Variants in LSMEM2 observed in about 807,000 individuals in gnomAD.
The protein encoded by LSMEM2 is leucine rich single-pass membrane protein 2.
LSMEM2 carries 20 observed loss-of-function variants against 17.3 expected under a neutral mutation model. That is an observed-to-expected ratio of 1.16 (90% CI 0.81 to 1.68). The LOEUF (loss-of-function observed/expected upper bound fraction) is 1.68. LSMEM2 is among the 40% of genes most tolerant of loss of function. The pLI is 0.00. For missense variants in LSMEM2, 207 were observed against 214.3 expected (o/e 0.97, Z 0.21); for synonymous variants, 94 against 97.8 (o/e 0.96, Z 0.23).
intron 1 of LSMEM2, among the ~76,000 whole-genome samples, chr3:50,282,672 G>A (rs587721040): frequency 6.6e-6 from 1 of 151,494 alleles, no homozygotes; most frequent in African/African-American, 2.4e-5. Flanking sequence ...ATGACTTGAG[G>A]TCAGGAGTTC....
upstream of LSMEM2, chr3:50,279,055 C>G (rs1701333314): frequency 6.3e-7 from 1 of 1,582,166 alleles, no homozygotes. Flanking sequence ...GGGAGGCAGC[C>G]AGGCCTTCCC....
Position 50,286,856 on chromosome 3 carries a change from C to T in LSMEM2, c.355C>T (p.Leu119=). 2 of 1,613,658 alleles carry T rather than the reference C, an allele frequency of 1.2e-6. No individual in the cohort carries two copies. Among genetic ancestry groups the T allele is most frequent in the Non-Finnish European group, 1.7e-6 (2 of 1,179,984 alleles). Residue 119 remains leucine (L), a synonymous_variant, in exon 3 of 4, where the codon CTG becomes TTG. Transcript: ENST00000316436. ...CLVLALLAVY[L]SVLQSESLRI... is the part of the protein sequence containing the mutation. Reference sequence around the variant, plus strand: ...AGTGCTCGCACTCCTGGCTGTCTACCTGAGCGGTATGGACGCATAGGGTGC... The same window carrying T: ...AGTGCTCGCACTCCTGGCTGTCTACTTGAGCGGTATGGACGCATAGGGTGC...
chr3:50,288,062 T>G lies in LSMEM2; in HGVS notation c.*860T>G. Reference sequence around the variant, plus strand: ...TCCGGGCCCCCAGCTACCCACCCCATGTCTGTTTTTGGTTTTGTCATTAAA... The same window carrying G: ...TCCGGGCCCCCAGCTACCCACCCCAGGTCTGTTTTTGGTTTTGTCATTAAA... On this transcript the variant is annotated 3_prime_UTR_variant, in exon 4 of 4. Transcript: ENST00000316436. 1 of 830,668 alleles carries G rather than the reference T, an allele frequency of 1.2e-6. No homozygotes were observed. Among genetic ancestry groups the G allele is most frequent in the African/African-American group, 1.7e-5 (1 of 59,344 alleles). The allele number at this position is 830,668 out of a possible 1,614,324, so 51.5% of individuals were successfully genotyped here.
intron 1 of LSMEM2, 87 bp from the exon 2 acceptor site, chr3:50,286,384 C>T (rs1701526170): frequency 6.7e-7 from 1 of 1,485,824 alleles, no homozygotes; most frequent in Non-Finnish European, 8.9e-7. Context: ...TCCCTATCAT[C>T]CGCAAGTCCT....
At chr3:50,284,160 C>T (rs1553708101) in intron 1 of LSMEM2, among the ~76,000 whole-genome samples, 1 of 144,850 alleles carries the variant, frequency 6.9e-6, no homozygotes, top group Non-Finnish European at 1.5e-5. Flanking sequence ...GAGCTGAGAT[C>T]GCACCACTGC....
At chr3:50,281,519 T>C (rs2109261765) in intron 1 of LSMEM2, among the ~76,000 whole-genome samples, 1 of 151,100 alleles carries the variant, frequency 6.6e-6, no homozygotes, top group South Asian at 2.1e-4. Context: ...CCTGCCACCA[T>C]ACCTGGCTAA....
rs782267365 is a variant in LSMEM2 at position 50,286,474 on chromosome 3, C to G, written c.62C>G (p.Ser21Cys). Residue 21 changes from serine (S) to cysteine (C), a missense_variant, in exon 2 of 4, where the codon TCC becomes TGC. Coordinates refer to ENST00000316436, the MANE Select transcript of LSMEM2 (RefSeq NM_153215.3). ...LAMPEETQED[S>C]VAPMMPSQRS... The stretch of plus-strand genomic sequence containing the variant: ...TCAGCCTGCGCTGCCCCTGCAGACT[C>G]CGTGGCGCCAATGATGCCCAGCCAG... 14 of 1,600,042 alleles carry G rather than the reference C, an allele frequency of 8.7e-6. No homozygotes were observed. Among genetic ancestry groups the G allele is most frequent in the Non-Finnish European group, 1.2e-5 (14 of 1,174,658 alleles).
intron 1 of LSMEM2, among the ~76,000 whole-genome samples, chr3:50,281,884 C>T (rs1428264612): frequency 1.3e-5 from 2 of 151,904 alleles, no homozygotes; most frequent in Admixed American, 6.6e-5. Flanking sequence ...CGAGGTCTAG[C>T]TCTGTCGCCC....
chr3:50,287,069 T>C lies in LSMEM2; in HGVS notation c.362T>C (p.Val121Ala). Residue 121 changes from valine (V) to alanine (A), a missense_variant and splice_region_variant, in exon 4 of 4, where the codon GTG becomes GCG. Transcript: ENST00000316436. ...VLALLAVYLS[V>A]LQSESLRILA... The stretch of plus-strand genomic sequence containing the variant: ...ATGATCCCCCACTTCCCATTCACAG[T>C]GCTGCAGAGTGAATCCCTGCGCATC... 1 of 1,614,144 alleles carries C rather than the reference T, an allele frequency of 6.2e-7. No homozygotes were observed. Among genetic ancestry groups the C allele is most frequent in the Non-Finnish European group, 8.5e-7 (1 of 1,179,996 alleles).
At position 50,286,502 on chromosome 3, in the gene LSMEM2, G is replaced by A. The variant is rs782108739; in HGVS notation, c.90G>A (p.Arg30=). The A allele has an allele frequency of 2.2e-5, 35 of 1,610,024 alleles. No homozygotes were observed. Among genetic ancestry groups the A allele is most frequent in the Middle Eastern group, 1.8e-4 (1 of 5,408 alleles). Reference sequence around the variant, plus strand: ...TGGCGCCAATGATGCCCAGCCAGAGGAGCAGGGGGCCATTGGCCCCCAACC... The same window carrying A: ...TGGCGCCAATGATGCCCAGCCAGAGAAGCAGGGGGCCATTGGCCCCCAACC... ...DSVAPMMPSQ[R]SRGPLAPNHV... is the part of the protein sequence containing the mutation. The change falls in exon 2 of 4, where the codon AGG becomes AGA. Residue 30 remains arginine (R), a synonymous_variant. Coordinates refer to ENST00000316436, the MANE Select transcript of LSMEM2 (RefSeq NM_153215.3).
Position 50,286,730 on chromosome 3 carries a change from G to T in LSMEM2, c.229G>T (p.Gly77Cys), listed in dbSNP as rs372432350. 1.5e-4 allele frequency: 236 copies of T among 1,614,112 alleles called. No individual in the cohort carries two copies. Among genetic ancestry groups the T allele is most frequent in the Non-Finnish European group, 1.9e-4 (228 of 1,180,056 alleles). ...EEARPWDELL[G>C]VLPPSLCAQA... ...GGCACGACCGTGGGATGAGCTGCTG[G>T]GCGTTTTGCCGCCGTCACTGTGTGC... is the stretch of plus-strand genomic sequence containing the variant. The change falls in exon 3 of 4, where the codon GGC becomes TGC. Residue 77 changes from glycine to cysteine, a missense_variant. Physicochemically the swap from Gly to Cys is radical, Grantham distance 159. Transcript: ENST00000316436.
At position 50,284,293 on chromosome 3, in the gene LSMEM2, C is replaced by T. The variant is rs111714697; in HGVS notation, c.59-2178C>T. ...CAATAAAATAAGAAAGACCATTTCT[C>T]ATCTCTCAAGTTAGCAAATATATGT... On this transcript the variant is annotated intron_variant, in intron 1 of 3. Transcript: ENST00000316436. Among the ~76,000 whole-genome samples the T allele has an allele frequency of 7.3e-4, 111 of 151,572 alleles. 1 individual carries two copies. The highest frequency in any genetic ancestry group is 2.5e-3 in the African/African-American group (104 of 41,336).
At chr3:50,286,976 C>G in intron 3 of LSMEM2, 93 bp from the exon 4 acceptor site, 1 of 1,586,290 alleles carries the variant, frequency 6.3e-7, no homozygotes, top group Non-Finnish European at 8.6e-7. Context: ...AAGGATGGGG[C>G]GGGAGGCCCG....
chr3:50,286,083 C>T (rs1575486500), intron 1 of LSMEM2, among the ~76,000 whole-genome samples: 1 of 152,354 alleles, frequency 6.6e-6, no homozygotes, highest in African/African-American at 2.4e-5. Flanking sequence ...TACAATAGGG[C>T]TTTCTGACCA....
upstream of LSMEM2, among the ~76,000 whole-genome samples, chr3:50,278,750 A>G (rs587599572): frequency 6.6e-6 from 1 of 152,264 alleles, no homozygotes; most frequent in Admixed American, 6.5e-5. Context: ...AGGAGTCTGC[A>G]GGGGTAGAGG....
intron 1 of LSMEM2, among the ~76,000 whole-genome samples, chr3:50,281,458 G>A (rs1701395605): frequency 6.7e-6 from 1 of 148,880 alleles, no homozygotes; most frequent in Admixed American, 6.7e-5. Context: ...TGCCTCCCAG[G>A]TTCAAGTGAT....
Position 50,287,492 on chromosome 3 carries a change from C to A in LSMEM2, c.*290C>A. The A allele has an allele frequency of 2.1e-6, 1 of 470,536 alleles. No individual in the cohort carries two copies. The allele number at this position is 470,536 out of a possible 1,614,324, so 29.1% of individuals were successfully genotyped here. On this transcript the variant is annotated 3_prime_UTR_variant, in exon 4 of 4. Transcript: ENST00000316436. ...GTGGCCTGTCAACACTCTCTGGCCA[C>A]CCCAGATGGCAGGTTCTGAAGTCTA... is the stretch of plus-strand genomic sequence containing the variant.
Position 50,287,054 on chromosome 3 carries a change from A to G in LSMEM2, c.362-15A>G, listed in dbSNP as rs1218221538. The G allele has an allele frequency of 6.2e-7, 1 of 1,613,602 alleles. No homozygotes were observed. Among genetic ancestry groups the G allele is most frequent in the African/African-American group, 1.3e-5 (1 of 74,890 alleles). The stretch of plus-strand genomic sequence containing the variant: ...GTGGCACATGGTCTGATGATCCCCC[A>G]CTTCCCATTCACAGTGCTGCAGAGT... On this transcript the variant is annotated splice_polypyrimidine_tract_variant and intron_variant, in intron 3 of 3. Transcript: ENST00000316436.
upstream of LSMEM2, among the ~76,000 whole-genome samples, chr3:50,277,960 C>G (rs1362119495): frequency 6.6e-6 from 1 of 152,236 alleles, no homozygotes; most frequent in Non-Finnish European, 1.5e-5. Context: ...GAGCGAGACT[C>G]TGTCTCAAAG....
Sources: gnomAD v4.1 joint callset for allele counts (sites outside exome capture counted in the v4.1 genomes callset) on GRCh38, gnomAD v4.1.1 for gene constraint, MANE v1.5 for transcripts, NCBI Gene and HGNC (gene_info 2026-07-23, HGNC 2026-07-21) for gene names.